The following PCCA variants were observed in gnomAD, a reference collection of about 807,000 sequenced individuals.
PCCA encodes propionyl-CoA carboxylase subunit alpha.
In PCCA, 74 loss-of-function variants were observed where a neutral mutation model predicts 101.3. That is an observed-to-expected ratio of 0.73 (90% CI 0.61 to 0.89). PCCA has a LOEUF of 0.89. Ranked by LOEUF, PCCA falls within the 40% of genes least tolerant of loss-of-function variation. The pLI is 0.00. For synonymous variants in PCCA, 294 were observed against 313.6 expected (o/e 0.94, Z 0.66); for missense variants, 891 against 907.0 (o/e 0.98, Z 0.23).
chr13:100,347,636 A>C (rs2072482809), intron 18 of PCCA, among the ~76,000 whole-genome samples: 2 of 152,350 alleles, frequency 1.3e-5, no homozygotes, highest in South Asian at 4.1e-4. Flanking sequence ...GTCTTTGCTA[A>C]TTTCTAGCTA....
chr13:100,143,859 A>G (rs935538227), intron 4 of PCCA, among the ~76,000 whole-genome samples: 7 of 152,110 alleles, frequency 4.6e-5, no homozygotes, highest in African/African-American at 1.2e-4. Flanking sequence ...GGCTCATGCA[A>G]TCATTCTGCC....
At chr13:100,271,597 T>C (rs1270945704) in intron 11 of PCCA, among the ~76,000 whole-genome samples, 3 of 152,200 alleles carry the variant, frequency 2.0e-5, no homozygotes, top group Non-Finnish European at 4.4e-5. Context: ...AGTCTTAAGA[T>C]ACAAAAGCCA....
At chr13:100,526,457 A>G (rs939614089) in intron 22 of PCCA, among the ~76,000 whole-genome samples, 1 of 152,228 alleles carries the variant, frequency 6.6e-6, no homozygotes, top group Non-Finnish European at 1.5e-5. Context: ...AGAGGAAAAG[A>G]GTACATCGGC....
Position 100,458,361 on chromosome 13 carries a change from T to TACACACAC in PCCA, c.1899+9075_1899+9082dup, listed in dbSNP as rs58649291. Among the ~76,000 whole-genome samples the TACACACAC allele has an allele frequency of 8.5e-3, 858 of 101,400 alleles. 33 individuals carry two copies. The highest frequency in any genetic ancestry group is 0.076 in the East Asian group (236 of 3,118). 66.5% of individuals were successfully genotyped at this position (101,400 alleles called of 152,430 possible). On this transcript the variant is annotated intron_variant, in intron 21 of 23. Coordinates refer to ENST00000376285, the MANE Select transcript of PCCA (RefSeq NM_000282.4). ...CACACACACAGTGGGACCCCATCTC[T>TACACACAC]ACACACACACACACACACACACACA...
intron 22 of PCCA, among the ~76,000 whole-genome samples, chr13:100,516,600 GAAAGGCATA>G (rs1445140065): frequency 5.3e-5 from 8 of 152,212 alleles, no homozygotes; most frequent in African/African-American, 1.4e-4. Flanking sequence ...CACTTTTTCA[GAAAGGCATA>G]AAAGAGGCTA....
Position 100,368,475 on chromosome 13 carries a change from G to A in PCCA, c.1647G>A (p.Met549Ile), listed in dbSNP as rs759831592. ...TTTTCTTTTCATTCTACTTCAGAAT[G>A]CCTGTTATTAAACCAGACATAGCCA... Reference protein sequence around the residue: ...RAQHFQENSRMPVIKPDIANW... With the variant: ...RAQHFQENSRIPVIKPDIANW... The change falls in exon 19 of 24, where the codon ATG (methionine) becomes ATA (isoleucine). Residue 549 changes from methionine (M) to isoleucine (I), a missense_variant. Coordinates refer to ENST00000376285, the MANE Select transcript of PCCA (RefSeq NM_000282.4). 3.9e-6 allele frequency: 6 copies of A among 1,529,508 alleles called. No individual in the cohort carries two copies. The highest frequency in any genetic ancestry group is 5.4e-6 in the Non-Finnish European group (6 of 1,104,386). 94.7% of individuals were successfully genotyped at this position (1,529,508 alleles called of 1,614,324 possible).
intron 21 of PCCA, among the ~76,000 whole-genome samples, chr13:100,467,013 C>G (rs2082572913): frequency 6.6e-6 from 1 of 152,152 alleles, no homozygotes; most frequent in African/African-American, 2.4e-5. Context: ...CTGTAGGTAC[C>G]TAGCACCGTA....
intron 19 of PCCA, among the ~76,000 whole-genome samples, chr13:100,373,977 T>A (rs1019464126): frequency 1.3e-5 from 2 of 152,048 alleles, no homozygotes; most frequent in African/African-American, 4.8e-5. Context: ...CCAAGTGTGG[T>A]AGCACGCGCC....
chr13:100,208,347 A>G (rs138617023), intron 6 of PCCA, among the ~76,000 whole-genome samples: 19 of 152,312 alleles, frequency 1.2e-4, no homozygotes, highest in African/African-American at 4.6e-4. Flanking sequence ...TGCAGGCAGC[A>G]ACGCTAACAT....
chr13:100,359,905 A>G (rs368316687), intron 18 of PCCA, among the ~76,000 whole-genome samples: 1 of 152,318 alleles, frequency 6.6e-6, no homozygotes, highest in Non-Finnish European at 1.5e-5. Flanking sequence ...TAGTAATTCT[A>G]TTGGGATTGT....
intron 14 of PCCA, among the ~76,000 whole-genome samples, chr13:100,306,418 A>G (rs967567890): frequency 6.6e-6 from 1 of 152,214 alleles, no homozygotes; most frequent in Non-Finnish European, 1.5e-5. Flanking sequence ...TAATAATTTA[A>G]TAAATGTTCT....
At position 100,466,671 on chromosome 13, in the gene PCCA, A is replaced by G. The variant is rs189285918; in HGVS notation, c.1899+17366A>G. ...TCACGAGTTTGAGACCAGCCTGGCCAACATGGTGAAACCCCATCTCTACTA... is the reference window on the plus strand; with the variant it reads ...TCACGAGTTTGAGACCAGCCTGGCCGACATGGTGAAACCCCATCTCTACTA... On this transcript the variant is annotated intron_variant, in intron 21 of 23. Coordinates refer to ENST00000376285, the MANE Select transcript of PCCA (RefSeq NM_000282.4). 2.0e-5 allele frequency among the ~76,000 whole-genome samples: 3 copies of G among 152,272 alleles called. No individual in the cohort carries two copies. In the East Asian group the frequency reaches 5.8e-4, roughly 29 times the overall value.
intron 20 of PCCA, among the ~76,000 whole-genome samples, chr13:100,448,894 A>G (rs181070198): frequency 6.6e-6 from 1 of 152,322 alleles, no homozygotes; most frequent in East Asian, 1.9e-4. Context: ...TCAATTTTAG[A>G]CCATGTTTAT....
intron 6 of PCCA, among the ~76,000 whole-genome samples, chr13:100,188,819 A>G (rs2057520383): frequency 6.6e-6 from 1 of 151,704 alleles, no homozygotes; most frequent in African/African-American, 2.4e-5. Context: ...TTTAGTGAGC[A>G]TATATTGAAG....
intron 6 of PCCA, among the ~76,000 whole-genome samples, chr13:100,176,111 T>G (rs1166080554): frequency 6.6e-6 from 1 of 152,190 alleles, no homozygotes; most frequent in Non-Finnish European, 1.5e-5. Flanking sequence ...CTGGGACTCA[T>G]TTTTTCCATC....
At chr13:100,177,748 T>C (rs554902693) in intron 6 of PCCA, among the ~76,000 whole-genome samples, 33 of 152,244 alleles carry the variant, frequency 2.2e-4, no homozygotes, top group African/African-American at 6.5e-4. Flanking sequence ...CATGTAAAAA[T>C]AACTCAAGTC....
intron 19 of PCCA, among the ~76,000 whole-genome samples, chr13:100,383,362 C>T (rs2076331929): frequency 2.0e-5 from 3 of 151,900 alleles, no homozygotes. Flanking sequence ...GTGCGTGGCT[C>T]ACGCCTGTAA....
intron 6 of PCCA, among the ~76,000 whole-genome samples, chr13:100,179,983 G>A (rs951436303): frequency 6.6e-6 from 1 of 152,162 alleles, no homozygotes; most frequent in African/African-American, 2.4e-5. Context: ...GGAGAATCAT[G>A]AATGAGAAAA....
intron 1 of PCCA, among the ~76,000 whole-genome samples, chr13:100,096,314 C>T (rs747577804): frequency 2.0e-5 from 3 of 151,954 alleles, no homozygotes; most frequent in African/African-American, 4.8e-5. Context: ...CAGTGATCTT[C>T]GATATTCTTA....
Sources: allele counts gnomAD v4.1 joint callset (sites outside exome capture counted in the v4.1 genomes callset), GRCh38; gene constraint gnomAD v4.1.1; transcripts MANE v1.5; gene names NCBI Gene and HGNC (gene_info 2026-07-23, HGNC 2026-07-21).